Variants in DOK5 observed in about 807,000 individuals in gnomAD.
DOK5 encodes the protein downstream of tyrosine kinase 5.
DOK5 carries 27 observed loss-of-function variants against 43.3 expected under a neutral mutation model. The observed-to-expected ratio is 0.62, with a 90% confidence interval of 0.46 to 0.86. The LOEUF is 0.86. DOK5 is among the 40% of genes least tolerant of loss of function. The pLI, the probability that DOK5 is intolerant of heterozygous loss-of-function variation, is 0.00. For missense variants in DOK5, 373 were observed against 392.9 expected (o/e 0.95, Z 0.43); for synonymous variants, 146 against 140.1 (o/e 1.04, Z -0.30).
chr20:54,487,722 C>T (rs1227343231), intron 1 of DOK5, among the ~76,000 whole-genome samples: 2 of 152,052 alleles, frequency 1.3e-5, no homozygotes, highest in Non-Finnish European at 2.9e-5. Flanking sequence ...TACCCAATAC[C>T]ATCCTCTTAC....
intron 2 of DOK5, among the ~76,000 whole-genome samples, chr20:54,573,861 C>T (rs1330246665): frequency 6.6e-6 from 1 of 152,090 alleles, no homozygotes; most frequent in African/African-American, 2.4e-5. Context: ...AGCAGAACTT[C>T]AGTGTGCAGC....
At chr20:54,624,491 A>G (rs895755212) in intron 6 of DOK5, among the ~76,000 whole-genome samples, 3 of 152,204 alleles carry the variant, frequency 2.0e-5, no homozygotes, top group African/African-American at 7.2e-5. Context: ...AATAGGGATC[A>G]AATAAGTTAT....
intron 6 of DOK5, among the ~76,000 whole-genome samples, chr20:54,631,698 G>A (rs1293779833): frequency 1.3e-5 from 2 of 152,172 alleles, no homozygotes; most frequent in African/African-American, 4.8e-5. Context: ...AATAGGCCAG[G>A]CGCAGTGGCT....
At chr20:54,540,676 C>G (rs1458249756) in intron 1 of DOK5, among the ~76,000 whole-genome samples, 1 of 152,084 alleles carries the variant, frequency 6.6e-6, no homozygotes, top group African/African-American at 2.4e-5. Context: ...ACCACCACAC[C>G]TGGATAATTT....
At chr20:54,535,853 T>A (rs545344546) in intron 1 of DOK5, among the ~76,000 whole-genome samples, 97 of 152,116 alleles carry the variant, frequency 6.4e-4, no homozygotes, top group African/African-American at 2.2e-3. Flanking sequence ...CTGGACTTTT[T>A]AAAAAAAATA....
At chr20:54,600,650 G>T (rs1986275024) in intron 5 of DOK5, among the ~76,000 whole-genome samples, 1 of 152,070 alleles carries the variant, frequency 6.6e-6, no homozygotes, top group Non-Finnish European at 1.5e-5. Context: ...CTACCTACAT[G>T]CCCCTAAGCC....
intron 6 of DOK5, among the ~76,000 whole-genome samples, chr20:54,634,042 C>T (rs562682635): frequency 3.2e-4 from 48 of 152,330 alleles, no homozygotes; most frequent in African/African-American, 1.1e-3. Context: ...GAAAGAAGTG[C>T]ACCAGCAGCA....
Position 54,574,990 on chromosome 20 carries a change from G to A in DOK5, c.175-13493G>A, listed in dbSNP as rs141726342. ...TCTGGCATTCTTTGCCTTATGAAGC[G>A]ATGCCATGTGAAGTCCTCAACATCA... On this transcript the variant is annotated intron_variant, in intron 2 of 7. Coordinates refer to ENST00000262593, the MANE Select transcript of DOK5 (RefSeq NM_018431.5). Among the ~76,000 whole-genome samples the A allele has an allele frequency of 2.1e-3, 313 of 152,258 alleles. 1 individual carries two copies. The highest frequency in any genetic ancestry group is 3.0e-3 in the Non-Finnish European group (201 of 68,024).
intron 2 of DOK5, among the ~76,000 whole-genome samples, chr20:54,583,985 CAAAAAA>C (rs56957710): frequency 8.0e-6 from 1 of 124,914 alleles, no homozygotes; most frequent in Non-Finnish European, 1.8e-5. Flanking sequence ...ACTAAAAATA[CAAAAAA>C]AAAAAAAAAT....
intron 2 of DOK5, among the ~76,000 whole-genome samples, chr20:54,576,247 A>G (rs1443726977): frequency 6.6e-6 from 1 of 152,172 alleles, no homozygotes; most frequent in Non-Finnish European, 1.5e-5. Flanking sequence ...TGTTTCTATA[A>G]GAGATACATA....
chr20:54,583,207 T>A (rs1198512829), intron 2 of DOK5, among the ~76,000 whole-genome samples: 1 of 152,152 alleles, frequency 6.6e-6, no homozygotes, highest in African/African-American at 2.4e-5. Flanking sequence ...GTTTTTTAGT[T>A]TTATTCCGTG....
In DOK5 at chr20:54,534,213, G is replaced by T. The variant is rs145295427; in HGVS notation, c.67-20720G>T. On this transcript the variant is annotated intron_variant, in intron 1 of 7. Coordinates refer to ENST00000262593, the MANE Select transcript of DOK5 (RefSeq NM_018431.5). ...TTTTTGCTTCTTTTTTTGAGACAGG[G>T]TCTCACTCTATTGCCCAGGCGGGAG... is the stretch of plus-strand genomic sequence containing the variant. 2.0e-3 allele frequency among the ~76,000 whole-genome samples: 307 copies of T among 152,262 alleles called. 2 individuals carry two copies. The highest frequency in any genetic ancestry group is 6.9e-3 in the African/African-American group (287 of 41,548).
chr20:54,644,692 A>T lies in DOK5; in HGVS notation c.856+1114A>T, dbSNP rs1201814231. Among the ~76,000 whole-genome samples the T allele has an allele frequency of 4.2e-4, 60 of 141,232 alleles. No individual in the cohort carries two copies. In the Middle Eastern group the frequency reaches 0.011, roughly 26 times the overall value. The allele number at this position is 141,232 out of a possible 152,430, so 92.7% of individuals were successfully genotyped here. The stretch of plus-strand genomic sequence containing the variant: ...CTGCACTCCAGCCTGGGTGACAGAG[A>T]GAGACTCCGTCTCAAAAAAAAAAAA... On this transcript the variant is annotated intron_variant, in intron 7 of 7. Coordinates refer to ENST00000262593, the MANE Select transcript of DOK5 (RefSeq NM_018431.5).
chr20:54,520,533 C>G (rs1983357754), intron 1 of DOK5, among the ~76,000 whole-genome samples: 1 of 152,094 alleles, frequency 6.6e-6, no homozygotes, highest in African/African-American at 2.4e-5. Flanking sequence ...AATCCCAGCA[C>G]TTTGGGAGGT....
At chr20:54,598,861 G>A (rs1986222783) in intron 5 of DOK5, among the ~76,000 whole-genome samples, 1 of 152,072 alleles carries the variant, frequency 6.6e-6, no homozygotes, top group African/African-American at 2.4e-5. Context: ...CATCTGAACA[G>A]CTTTAGAAAA....
At chr20:54,476,438 G>A (rs1277241562) in intron 1 of DOK5, among the ~76,000 whole-genome samples, 1 of 152,148 alleles carries the variant, frequency 6.6e-6, no homozygotes, top group Non-Finnish European at 1.5e-5. Flanking sequence ...CGCATACTCG[G>A]TGTGAACGAG....
At chr20:54,519,588 A>C (rs1281604117) in intron 1 of DOK5, among the ~76,000 whole-genome samples, 2 of 152,222 alleles carry the variant, frequency 1.3e-5, no homozygotes, top group Non-Finnish European at 2.9e-5. Flanking sequence ...TCAAAGTTTC[A>C]AGTTTGAGTA....
chr20:54,579,764 G>A (rs1156483922), intron 2 of DOK5, among the ~76,000 whole-genome samples: 3 of 151,928 alleles, frequency 2.0e-5, no homozygotes, highest in Non-Finnish European at 4.4e-5. Flanking sequence ...AATAGTATAT[G>A]GTATATGTAT....
At chr20:54,517,817 C>T (rs570965037) in intron 1 of DOK5, among the ~76,000 whole-genome samples, 2 of 152,308 alleles carry the variant, frequency 1.3e-5, no homozygotes, top group African/African-American at 2.4e-5. Flanking sequence ...AGTCATTTAT[C>T]TTTTCATCAT....
Sources: gnomAD v4.1 joint callset for allele counts (sites outside exome capture counted in the v4.1 genomes callset) on GRCh38, gnomAD v4.1.1 for gene constraint, MANE v1.5 for transcripts, NCBI Gene and HGNC (gene_info 2026-07-23, HGNC 2026-07-21) for gene names.